CAST: variants seen among roughly 807,000 people sequenced by gnomAD.
The protein encoded by CAST is calpastatin, also known as MIR583 host.
A neutral mutation model predicts 119.6 loss-of-function variants in CAST; 76 were observed. The observed-to-expected ratio is 0.64, with a 90% CI of 0.53 to 0.77. The LOEUF (loss-of-function observed/expected upper bound fraction) is 0.77. Ranked by LOEUF, CAST falls within the 30% of genes least tolerant of loss-of-function variation. The pLI is 0.00. For synonymous variants in CAST, 319 were observed against 331.6 expected, an observed-to-expected ratio of 0.96 and a Z score of 0.41; for missense variants, 953 against 946.5, an observed-to-expected ratio of 1.01 and a Z score of -0.09.
chr5:96,194,604 C>T, the CAST span, among the ~76,000 whole-genome samples: 1 of 152,028 alleles, frequency 6.6e-6, no homozygotes, highest in Non-Finnish European at 1.5e-5. Context: ...ACAAACCTAG[C>T]AAACTATCTT....
intron 1 of CAST, among the ~76,000 whole-genome samples, chr5:96,542,711 C>A (rs999465009): frequency 2.0e-5 from 3 of 152,120 alleles, no homozygotes; most frequent in Non-Finnish European, 4.4e-5. Context: ...ATTTATAAGA[C>A]ATATGTTTTA....
the CAST span, among the ~76,000 whole-genome samples, chr5:96,314,841 G>A: frequency 6.6e-6 from 1 of 152,168 alleles, no homozygotes; most frequent in African/African-American, 2.4e-5. Context: ...TTAACATAAA[G>A]TACACACTCA....
In CAST at chr5:96,662,515, C is replaced by A. The variant is rs1332470263; in HGVS notation, c.75+18C>A. The A allele has an allele frequency of 7.3e-7, 1 of 1,364,778 alleles. No homozygotes were observed. The highest frequency in any genetic ancestry group is 2.7e-4 in the Middle Eastern group (1 of 3,760). 84.5% of individuals were successfully genotyped at this position (1,364,778 alleles called of 1,614,324 possible). Reference sequence around the variant, plus strand: ...CCCATGAGGTGAGTGGCGCTCCTGTCGGCGTCGCGGGGCTGGGCGATGGGG... The same window carrying A: ...CCCATGAGGTGAGTGGCGCTCCTGTAGGCGTCGCGGGGCTGGGCGATGGGG... On this transcript the variant is annotated intron_variant, in intron 1 of 31. Transcript: ENST00000675179.
At position 96,767,922 on chromosome 5, in the gene CAST, C is replaced by A; in HGVS notation, c.2191C>A (p.Gln731Lys). Residue 731 changes from glutamine to lysine, a missense_variant, in exon 29 of 32, where the codon CAA (glutamine) becomes AAA (lysine). Physicochemically the swap from Gln to Lys is moderately conservative, Grantham distance 53. Transcript: ENST00000675179. ...CATATCTCAGAAACCTGCAGATGAC[C>A]AAGACCCCATTGATGCTCTCTCAGG... is the stretch of plus-strand genomic sequence containing the variant. ...SEDSKKPADD[Q>K]DPIDALSGDL... is the part of the protein sequence containing the mutation. 1.2e-6 allele frequency: 2 copies of A among 1,612,898 alleles called. No homozygotes were observed. The highest frequency in any genetic ancestry group is 2.2e-5 in the South Asian group (2 of 91,054).
the CAST span, among the ~76,000 whole-genome samples, chr5:96,036,640 A>G: frequency 2.6e-5 from 4 of 152,176 alleles, no homozygotes; most frequent in South Asian, 2.1e-4. Flanking sequence ...ACTGTTTTCA[A>G]GCTGAATCTC....
chr5:96,325,019 A>G, the CAST span, among the ~76,000 whole-genome samples: 5 of 152,148 alleles, frequency 3.3e-5, no homozygotes, highest in Admixed American at 1.3e-4. Context: ...AGCCTTGCCA[A>G]CATGGTGAAA....
At chr5:96,099,859 G>T in the CAST span, among the ~76,000 whole-genome samples, 3 of 152,202 alleles carry the variant, frequency 2.0e-5, no homozygotes, top group African/African-American at 4.8e-5. Context: ...AGTTAGAAAG[G>T]AGTCCCTCCT....
chr5:96,653,674 C>T (rs1454276986), intron 1 of CAST, among the ~76,000 whole-genome samples: 1 of 152,090 alleles, frequency 6.6e-6, no homozygotes, highest in Non-Finnish European at 1.5e-5. Context: ...TTCTTCTTTT[C>T]TCTCAGATCT....
At chr5:96,302,317 CTA>C in the CAST span, among the ~76,000 whole-genome samples, 1 of 152,142 alleles carries the variant, frequency 6.6e-6, no homozygotes, top group Non-Finnish European at 1.5e-5. Flanking sequence ...ACTTCCAGGT[CTA>C]TAATAGGAGG....
intron 1 of CAST, among the ~76,000 whole-genome samples, chr5:96,562,067 CAGGCGT>C (rs1275865083): frequency 2.0e-5 from 3 of 151,710 alleles, no homozygotes; most frequent in African/African-American, 7.3e-5. Flanking sequence ...GCTGGGATTA[CAGGCGT>C]GAGCCACCGC....
intron 1 of CAST, among the ~76,000 whole-genome samples, chr5:96,559,612 A>G (rs551115424): frequency 5.9e-5 from 9 of 152,370 alleles, no homozygotes; most frequent in African/African-American, 1.9e-4. Context: ...CGATTGCTTC[A>G]AAGAGAATAA....
At chr5:96,233,401 T>G in the CAST span, among the ~76,000 whole-genome samples, 2 of 152,092 alleles carry the variant, frequency 1.3e-5, no homozygotes, top group Admixed American at 1.3e-4. Flanking sequence ...TGGAGTAATA[T>G]TAACATGTTA....
chr5:96,308,352 T>G, the CAST span, among the ~76,000 whole-genome samples: 4 of 152,006 alleles, frequency 2.6e-5, no homozygotes, highest in South Asian at 8.3e-4. Context: ...TAGCAATACA[T>G]CTAACCTTTT....
the CAST span, among the ~76,000 whole-genome samples, chr5:96,276,289 G>T: frequency 6.6e-6 from 1 of 152,162 alleles, no homozygotes; most frequent in Non-Finnish European, 1.5e-5. Context: ...TGTACAATAT[G>T]TTGATATTGG....
At chr5:96,558,195 C>T (rs1746282163) in intron 1 of CAST, among the ~76,000 whole-genome samples, 1 of 152,132 alleles carries the variant, frequency 6.6e-6, no homozygotes, top group Non-Finnish European at 1.5e-5. Context: ...CTCTGGGACA[C>T]ATTCAAAGCA....
At chr5:96,096,203 T>C in the CAST span, among the ~76,000 whole-genome samples, 1 of 152,194 alleles carries the variant, frequency 6.6e-6, no homozygotes, top group African/African-American at 2.4e-5. Flanking sequence ...CCTCCATGTA[T>C]ACTGGAAGAT....
chr5:96,348,899 T>C, the CAST span, among the ~76,000 whole-genome samples: 1 of 152,056 alleles, frequency 6.6e-6, no homozygotes, highest in Non-Finnish European at 1.5e-5. Flanking sequence ...GTGTTCCACA[T>C]GGGAAGTTAG....
the CAST span, among the ~76,000 whole-genome samples, chr5:96,282,810 T>C: frequency 8.5e-5 from 13 of 152,258 alleles, 1 homozygote; most frequent in African/African-American, 3.1e-4. Flanking sequence ...TGGCTGCAAC[T>C]TAGAATCACC....
chr5:96,432,705 C>A, the CAST span, among the ~76,000 whole-genome samples: 1 of 152,174 alleles, frequency 6.6e-6, no homozygotes, highest in Admixed American at 6.5e-5. Flanking sequence ...CTTTCTCTCT[C>A]TCCAAGCGCG....
Sources: allele counts gnomAD v4.1 joint callset (sites outside exome capture counted in the v4.1 genomes callset), GRCh38; gene constraint gnomAD v4.1.1; transcripts MANE v1.5; gene names NCBI Gene and HGNC (gene_info 2026-07-23, HGNC 2026-07-21).